Variants in SLC19A1 observed in about 807,000 individuals in gnomAD.
SLC19A1 encodes reduced folate transporter.
Under a neutral mutation model 35.3 loss-of-function variants are expected in SLC19A1, and 37 were observed. That is an observed-to-expected ratio of 1.05 (90% CI 0.81 to 1.38). The LOEUF (loss-of-function observed/expected upper bound fraction) is 1.38. SLC19A1 is among the 40% of genes most tolerant of loss of function. SLC19A1 has a pLI of 0.00. For missense variants in SLC19A1, 831 were observed against 826.9 expected (o/e 1.00, Z -0.06); for synonymous variants, 460 against 398.5 (o/e 1.15, Z -1.84).
rs142892218 is a variant in SLC19A1 at position 45,507,359 on chromosome 21, G to A, written c.498-8747C>T. The A allele has an allele frequency of 0.12, 75,038 of 612,720 alleles. 4,971 individuals are homozygous for A. The highest frequency in any genetic ancestry group is 0.17 in the Admixed American group (7,089 of 41,536). The allele number at this position is 612,720 out of a possible 1,614,324, so 38.0% of individuals were successfully genotyped here. ...GGGTGCTGGGCAGGGAGGGCACCCT[G>A]CTGTGGACTGGGAGGGCCGGGTGCT... On this transcript the variant is annotated intron_variant, in intron 3 of 4. Coordinates refer to the SLC19A1 transcript ENST00000417954.
Position 45,513,149 on chromosome 21 carries a change from T to G in SLC19A1, c.*2509A>C, listed in dbSNP as rs1030552898. The G allele has an allele frequency of 4.6e-5, 7 of 152,470 alleles. No individual in the cohort carries two copies. Among genetic ancestry groups the G allele is most frequent in the African/African-American group, 1.7e-4 (7 of 41,548 alleles). 9.4% of individuals were successfully genotyped at this position (152,470 alleles called of 1,614,324 possible). On this transcript the variant is annotated 3_prime_UTR_variant, in exon 6 of 6. Coordinates refer to ENST00000311124, the MANE Select transcript of SLC19A1 (RefSeq NM_194255.4). ...CCTGGCCGAGTCCAAGCTGGGAGAT[T>G]CAAGGGACCCATGAGTTGGGGTCTG...
intron 3 of SLC19A1, chr21:45,506,990 C>G (rs1468758003): frequency 3.5e-6 from 1 of 285,770 alleles, no homozygotes; most frequent in African/African-American, 2.2e-5. Flanking sequence ...CCGGATGCAG[C>G]CCCATCCTAA....
Position 45,513,564 on chromosome 21 carries a change from G to C in SLC19A1, c.*2094C>G, listed in dbSNP as rs2037732811. 6.6e-6 allele frequency: 1 copy of C among 152,188 alleles called. No homozygotes were observed. Among genetic ancestry groups the C allele is most frequent in the Non-Finnish European group, 1.5e-5 (1 of 68,046 alleles). The allele number at this position is 152,188 out of a possible 1,614,324, so 9.4% of individuals were successfully genotyped here. A position where few individuals can be genotyped will look rare whatever the true frequency, so the allele number is the denominator to read the frequency against. On this transcript the variant is annotated 3_prime_UTR_variant, in exon 6 of 6. Coordinates refer to ENST00000311124, the MANE Select transcript of SLC19A1 (RefSeq NM_194255.4). ...ATCAACCCGAGTCATTCGTTCTGTG[G>C]AGGGACAAGTGGACTCAGGGCAGCG...
At chr21:45,512,349 C>T (rs371861582), downstream of SLC19A1, 7 of 1,612,668 alleles carry the variant, frequency 4.3e-6, no homozygotes, top group Non-Finnish European at 5.9e-6. Context: ...TGCCATCACG[C>T]CTACATCGTG....
At chr21:45,558,413 C>T (rs1405055855) in intron 1 of SLC19A1, among the ~76,000 whole-genome samples, 2 of 152,244 alleles carry the variant, frequency 1.3e-5, no homozygotes, top group Admixed American at 1.3e-4. Flanking sequence ...ATTGTCACTG[C>T]AGTGAGACCC....
In SLC19A1 at chr21:45,534,973, C is replaced by T. The variant is rs2078059344; in HGVS notation, c.189+2798G>A. Among the ~76,000 whole-genome samples, 1 of 152,280 alleles carries T rather than the reference C, an allele frequency of 6.6e-6. No homozygotes were observed. On this transcript the variant is annotated intron_variant, in intron 2 of 5. Coordinates refer to ENST00000311124, the MANE Select transcript of SLC19A1 (RefSeq NM_194255.4). This position sits in a 1 kb window ranked among gnomAD's most constrained non-coding sequence, Gnocchi z 4.2. ...AGGCAGCTGCGCCCAAATCTACGTC[C>T]AGACGGCCTCAGGGCGGCTTCTCTG...
chr21:45,557,178 T>C (rs2146511989), intron 1 of SLC19A1, among the ~76,000 whole-genome samples: 1 of 152,310 alleles, frequency 6.6e-6, no homozygotes, highest in East Asian at 1.9e-4. Flanking sequence ...AGCTGGAGGC[T>C]GGGCCCTGGG....
At chr21:45,509,664 G>A (rs2037455788), downstream of SLC19A1, 1 of 915,482 alleles carries the variant, frequency 1.1e-6, no homozygotes, top group South Asian at 1.4e-5. Flanking sequence ...CAGCAGAAGA[G>A]GGCCCAGCCC....
chr21:45,507,915 C>T (rs902496046), downstream of SLC19A1, among the ~76,000 whole-genome samples: 3 of 152,210 alleles, frequency 2.0e-5, no homozygotes, highest in African/African-American at 7.2e-5. Context: ...TGTGTCTTTG[C>T]CTTCCCTCAC....
chr21:45,505,226 CGGCCCCCCA>C lies in SLC19A1; in HGVS notation c.498-6623_498-6615del, dbSNP rs759403198. 1.0e-3 allele frequency: 1,632 copies of C among 1,579,462 alleles called. 3 individuals are homozygous for C. Among genetic ancestry groups the C allele is most frequent in the Middle Eastern group, 2.0e-3 (12 of 5,908 alleles). ...GCTACGAGGGGCGCCAGGGCCCTCC[CGGCCCCCCA>C]GGCCCCCCAGGGCCCCCTTCATTTC... On this transcript the variant is annotated intron_variant, in intron 3 of 4. Transcript: ENST00000417954.
intron 3 of SLC19A1, chr21:45,505,447 G>A: frequency 2.8e-6 from 4 of 1,436,324 alleles, no homozygotes; most frequent in African/African-American, 1.4e-5. Flanking sequence ...TGTCTGGGCA[G>A]CCGGCTGGGC....
chr21:45,538,773 G>A (rs1440909011), intron 1 of SLC19A1, among the ~76,000 whole-genome samples: 1 of 152,194 alleles, frequency 6.6e-6, no homozygotes, highest in Non-Finnish European at 1.5e-5. Context: ...GACGAAAGCA[G>A]CTGGCAGGAG....
intron 5 of SLC19A1, among the ~76,000 whole-genome samples, chr21:45,523,027 A>G (rs1157710848): frequency 6.6e-6 from 1 of 151,708 alleles, no homozygotes; most frequent in Admixed American, 6.6e-5. Context: ...GCATGTGAAT[A>G]TAAGATTACC....
intron 5 of SLC19A1, among the ~76,000 whole-genome samples, chr21:45,525,522 A>T (rs1040967334): frequency 2.6e-5 from 4 of 152,260 alleles, no homozygotes; most frequent in African/African-American, 9.6e-5. Context: ...AAGTTCCGGC[A>T]GCCACAGGCA....
At chr21:45,506,170 T>C (rs773087938) in intron 3 of SLC19A1, 341 of 700,290 alleles carry the variant, frequency 4.9e-4, no homozygotes, top group Middle Eastern at 8.1e-4. Context: ...AGCTCAAGCT[T>C]CTGAAAGTGG....
rs1016751586 is a variant in SLC19A1 at position 45,515,053 on chromosome 21, G to C, written c.*605C>G. On this transcript the variant is annotated 3_prime_UTR_variant, in exon 6 of 6. Transcript: ENST00000311124. ...AGGGTGGGAGAGAGGAACCAGCTCCGAGGACCAGAGCCGCTGCTCCCCTCT... is the reference window on the plus strand; with the variant it reads ...AGGGTGGGAGAGAGGAACCAGCTCCCAGGACCAGAGCCGCTGCTCCCCTCT... 6.5e-7 allele frequency: 1 copy of C among 1,543,880 alleles called. No homozygotes were observed. The highest frequency in any genetic ancestry group is 2.5e-5 in the East Asian group (1 of 40,780).
At chr21:45,546,261 G>C (rs1450703109), upstream of SLC19A1, among the ~76,000 whole-genome samples, 1 of 152,254 alleles carries the variant, frequency 6.6e-6, no homozygotes, top group East Asian at 1.9e-4. Flanking sequence ...CCCAGAGGAA[G>C]AAGCGTTGTC....
At chr21:45,516,315 C>A (rs1014973736) in intron 5 of SLC19A1, among the ~76,000 whole-genome samples, 175 bp from the exon 6 acceptor site, 3 of 152,056 alleles carry the variant, frequency 2.0e-5, no homozygotes, top group Non-Finnish European at 4.4e-5. Flanking sequence ...TCACCACAGC[C>A]CCCCCGACCT....
Position 45,540,466 on chromosome 21 carries a change from C to T in SLC19A1, c.-50+1902G>A, listed in dbSNP as rs1323363745. Among the ~76,000 whole-genome samples, 2 of 152,160 alleles carry T rather than the reference C, an allele frequency of 1.3e-5. No homozygotes were observed. The highest frequency in any genetic ancestry group is 4.8e-5 in the African/African-American group (2 of 41,438). On this transcript the variant is annotated intron_variant, in intron 1 of 5. Coordinates refer to ENST00000311124, the MANE Select transcript of SLC19A1 (RefSeq NM_194255.4). The surrounding 1 kb of genome is among the most constrained non-coding windows in gnomAD (Gnocchi z 5.5). The stretch of plus-strand genomic sequence containing the variant: ...GAAAGGTGCCACCTCCAGAAGCGAC[C>T]AGAACATTCCTTCCTTGGAGAGACA...
Sources: gnomAD v4.1 joint callset for allele counts (sites outside exome capture counted in the v4.1 genomes callset) on GRCh38, gnomAD v4.1.1 for gene constraint, Gnocchi (gnomAD v3.1) non-coding constraint, MANE v1.5 for transcripts, NCBI Gene and HGNC (gene_info 2026-07-23, HGNC 2026-07-21) for gene names.